Variants in BBIP1 observed in about 807,000 individuals in gnomAD.
The protein encoded by BBIP1 is BBSome-interacting protein 1.
In BBIP1, 6 loss-of-function variants were observed where a neutral mutation model predicts 8.9. The observed-to-expected ratio is 0.67, with a 90% CI of 0.37 to 1.33. BBIP1 has a LOEUF of 1.33. BBIP1 is among the 40% of genes most tolerant of loss of function. The probability of loss-of-function intolerance (pLI) is 0.02; values close to 1 mark genes in which losing one functional copy is unlikely to be tolerated. For synonymous variants in BBIP1, 32 were observed against 33.4 expected (o/e 0.96, Z 0.14); for missense variants, 111 against 109.2 (o/e 1.02, Z -0.07).
intron 2 of BBIP1, chr10:110,908,296 C>T (rs1014835250): frequency 1.3e-5 from 2 of 152,080 alleles, no homozygotes; most frequent in Admixed American, 6.5e-5. Flanking sequence ...GTAGACTTGG[C>T]AAAAATGACA....
At chr10:110,901,030 T>A (rs1845985164) in intron 3 of BBIP1, 1 of 380,868 alleles carries the variant, frequency 2.6e-6, no homozygotes, top group Non-Finnish European at 5.1e-6. Context: ...TCTTACCTGT[T>A]ATCCCAGCAC....
intron 2 of BBIP1, chr10:110,903,751 G>A (rs1351122359): frequency 6.6e-6 from 1 of 152,220 alleles, no homozygotes; most frequent in Admixed American, 6.5e-5. Flanking sequence ...CACAAACCTA[G>A]ATGGTATAGC....
chr10:110,918,166 G>A lies in BBIP1; in HGVS notation c.-9C>T, dbSNP rs756353221. ...GCTGCAGCTTTAAGCATCCAACCCG[G>A]TATTACCAAGATGACTTAGAGTTCT... On this transcript the variant is annotated 5_prime_UTR_variant, in exon 2 of 4. Transcript: ENST00000448814. 6.5e-7 allele frequency: 1 copy of A among 1,535,294 alleles called. No homozygotes were observed. The highest frequency in any genetic ancestry group is 1.2e-5 in the South Asian group (1 of 84,042).
At chr10:110,902,969 C>T (rs1846041443) in intron 2 of BBIP1, 1 of 151,724 alleles carries the variant, frequency 6.6e-6, no homozygotes, top group Non-Finnish European at 1.5e-5. Flanking sequence ...CATTGCAGAC[C>T]CCCTGATTAG....
rs930727918 is a variant in BBIP1 at position 110,899,438 on chromosome 10, C to T, written c.*922G>A. ...ATGATAAATGCAGTCATTTTATTCTCAAGTGCTTAAAATTAATGTAATTAA... is the reference window on the plus strand; with the variant it reads ...ATGATAAATGCAGTCATTTTATTCTTAAGTGCTTAAAATTAATGTAATTAA... On this transcript the variant is annotated 3_prime_UTR_variant, in exon 4 of 4. Transcript: ENST00000448814. The T allele has an allele frequency of 3.3e-5, 5 of 152,126 alleles. No individual in the cohort carries two copies. The highest frequency in any genetic ancestry group is 6.5e-5 in the Admixed American group (1 of 15,284). The allele number at this position is 152,126 out of a possible 1,614,324, so 9.4% of individuals were successfully genotyped here.
intron 2 of BBIP1, among the ~76,000 whole-genome samples, chr10:110,906,163 C>T (rs972109785): frequency 2.0e-5 from 3 of 151,984 alleles, no homozygotes; most frequent in Non-Finnish European, 4.4e-5. Context: ...CCACCAAGCC[C>T]GGCTAATTTG....
intron 2 of BBIP1, chr10:110,906,937 T>C (rs1846158356): frequency 6.6e-6 from 1 of 152,240 alleles, no homozygotes; most frequent in South Asian, 2.1e-4. Flanking sequence ...TTACGTTATA[T>C]GCTAACAATC....
rs1590762340 is a variant in BBIP1 at position 110,917,974 on chromosome 10, C to T, written c.37+147G>A. 20 of 693,398 alleles carry T rather than the reference C, an allele frequency of 2.9e-5. No individual in the cohort carries two copies. In the East Asian group the frequency reaches 5.2e-4, roughly 18 times the overall value. 43.0% of individuals were successfully genotyped at this position (693,398 alleles called of 1,614,324 possible). A position where few individuals can be genotyped will look rare whatever the true frequency, so the allele number is the denominator to read the frequency against. ...ACAGAATCACAAAAGGTGACTGCTA[C>T]AACAGATTTCAGTAATTAACAGCAA... is the stretch of plus-strand genomic sequence containing the variant. On this transcript the variant is annotated intron_variant, in intron 2 of 3. Coordinates refer to ENST00000448814, the MANE Select transcript of BBIP1 (RefSeq NM_001195305.3).
chr10:110,909,434 TCCA>T (rs1846221053), intron 2 of BBIP1, among the ~76,000 whole-genome samples: 2 of 152,164 alleles, frequency 1.3e-5, no homozygotes, highest in Non-Finnish European at 2.9e-5. Context: ...GACCTCGTGA[TCCA>T]CCCGCCTTGG....
At chr10:110,915,244 C>T (rs1427199638) in intron 2 of BBIP1, among the ~76,000 whole-genome samples, 1 of 151,940 alleles carries the variant, frequency 6.6e-6, no homozygotes, top group Non-Finnish European at 1.5e-5. Flanking sequence ...ACAGCCTTGA[C>T]CTTCTGGGCT....
In BBIP1 at chr10:110,918,380, GA is replaced by G. The variant is rs1331838722; in HGVS notation, c.-56-168del. Reference sequence around the variant, plus strand: ...TCAAAGGAGAGACGCGGAAAGGGGGGAAAAATCAGAATGGGAAGGCAGGTGG... The same window carrying G: ...TCAAAGGAGAGACGCGGAAAGGGGGGAAAATCAGAATGGGAAGGCAGGTGG... On this transcript the variant is annotated intron_variant, in intron 1 of 3. Coordinates refer to ENST00000448814, the MANE Select transcript of BBIP1 (RefSeq NM_001195305.3). Among the ~76,000 whole-genome samples the G allele has an allele frequency of 5.0e-4, 76 of 152,336 alleles. 1 individual carries two copies. The highest frequency in any genetic ancestry group is 3.1e-4 in the Non-Finnish European group (21 of 68,022).
At position 110,918,183 on chromosome 10, in the gene BBIP1, T is replaced by TA. The variant is rs543477112; in HGVS notation, c.-27dup. On this transcript the variant is annotated 5_prime_UTR_variant, in exon 2 of 4. It introduces an in-frame stop codon into an upstream open reading frame of the 5' UTR. Coordinates refer to ENST00000448814, the MANE Select transcript of BBIP1 (RefSeq NM_001195305.3). Reference sequence around the variant, plus strand: ...CCAACCCGGTATTACCAAGATGACTTAGAGTTCTTGACTCAAGCATACAGA... The same window carrying TA: ...CCAACCCGGTATTACCAAGATGACTTAAGAGTTCTTGACTCAAGCATACAGA... The TA allele has an allele frequency of 1.8e-4, 280 of 1,532,786 alleles. 1 individual carries two copies. The African/African-American group carries it at 3.2e-3, about 17-fold the overall frequency. The allele number at this position is 1,532,786 out of a possible 1,614,324, so 94.9% of individuals were successfully genotyped here. A position where few individuals can be genotyped will look rare whatever the true frequency, so the allele number is the denominator to read the frequency against.
intron 2 of BBIP1, among the ~76,000 whole-genome samples, chr10:110,914,586 A>G (rs969221608): frequency 6.6e-6 from 1 of 152,214 alleles, no homozygotes; most frequent in Admixed American, 6.5e-5. Context: ...TTATCTGGAG[A>G]TGCCAAGTAA....
chr10:110,905,942 C>T (rs1846122575), intron 2 of BBIP1, among the ~76,000 whole-genome samples: 1 of 151,150 alleles, frequency 6.6e-6, no homozygotes, highest in Non-Finnish European at 1.5e-5. Context: ...TTTATATCAT[C>T]TTTTTTTCTT....
At chr10:110,916,358 C>A (rs1272512789) in intron 2 of BBIP1, among the ~76,000 whole-genome samples, 3 of 152,146 alleles carry the variant, frequency 2.0e-5, no homozygotes, top group African/African-American at 7.2e-5. Context: ...GAGTATACGA[C>A]GTTGGCAGTC....
At chr10:110,907,742 TA>T in intron 2 of BBIP1, 1 of 702,418 alleles carries the variant, frequency 1.4e-6, no homozygotes. Flanking sequence ...CAAATCCTGG[TA>T]TAAAGGATGG....
chr10:110,918,005 C>A, intron 2 of BBIP1, 116 bp downstream of exon 2: 1 of 859,204 alleles, frequency 1.2e-6, no homozygotes. Context: ...AGCAAAGAAA[C>A]AAGAGTAGTT....
chr10:110,907,530 AG>A (rs1390699167), intron 2 of BBIP1: 5 of 473,854 alleles, frequency 1.1e-5, no homozygotes, highest in African/African-American at 6.1e-5. Context: ...AAAAAAAAAA[AG>A]AAAAGAAAAG....
intron 2 of BBIP1, among the ~76,000 whole-genome samples, chr10:110,915,525 T>C (rs1418710501): frequency 1.3e-5 from 2 of 152,128 alleles, no homozygotes; most frequent in East Asian, 3.9e-4. Flanking sequence ...CTTCACTCAC[T>C]AAATAATCAA....
Sources: allele counts gnomAD v4.1 joint callset (sites outside exome capture counted in the v4.1 genomes callset), GRCh38; gene constraint gnomAD v4.1.1; transcripts MANE v1.5; gene names NCBI Gene and HGNC (gene_info 2026-07-23, HGNC 2026-07-21).